The following HPSE variants were observed in gnomAD, a reference collection of about 807,000 sequenced individuals.
HPSE encodes the protein endo-glucoronidase.
HPSE carries 48 observed loss-of-function variants against 65.1 expected under a neutral mutation model. That is an observed-to-expected ratio of 0.74 (90% CI 0.58 to 0.94). The LOEUF is 0.94. Ranked by LOEUF, HPSE falls within the 40% of genes least tolerant of loss-of-function variation. HPSE has a pLI of 0.00. For missense variants in HPSE, 644 were observed against 637.5 expected, an observed-to-expected ratio of 1.01 and a Z score of -0.11; for synonymous variants, 243 against 260.0, an observed-to-expected ratio of 0.93 and a Z score of 0.63.
chr4:83,306,231 A>G lies in HPSE; in HGVS notation c.1178T>C (p.Leu393Ser). 1 of 1,611,304 alleles carries G rather than the reference A, an allele frequency of 6.2e-7. No homozygotes were observed. Among genetic ancestry groups the G allele is most frequent in the Non-Finnish European group, 8.5e-7 (1 of 1,177,426 alleles). Residue 393 changes from leucine to serine, a missense_variant, in exon 9 of 12, where the codon TTA (leucine) becomes TCA (serine). Physicochemically the swap from Leu to Ser is moderately radical, Grantham distance 145. Coordinates refer to ENST00000311412, the MANE Select transcript of HPSE (RefSeq NM_001098540.3). ...TAAAGGATCGAAGTTTTCATCCACT[A>G]AATGGTAGTTTCCTGCTCCAAAGAA... ...QVFFGAGNYH[L>S]VDENFDPLPD...
intron 10 of HPSE, 87 bp from the exon 11 acceptor site, chr4:83,301,193 G>T (rs1735935429): frequency 2.4e-6 from 2 of 817,776 alleles, no homozygotes; most frequent in Admixed American, 5.6e-5. Context: ...CTAAGTATTA[G>T]TATCCATAAT....
chr4:83,332,496 T>G (rs1171812722), intron 1 of HPSE, among the ~76,000 whole-genome samples: 1 of 152,242 alleles, frequency 6.6e-6, no homozygotes, highest in East Asian at 1.9e-4. Flanking sequence ...TGGACAAGAA[T>G]GAACTGTTTT....
At chr4:83,310,631 C>T in intron 5 of HPSE, 91 bp downstream of exon 5, 1 of 1,212,580 alleles carries the variant, frequency 8.2e-7, no homozygotes, top group Non-Finnish European at 1.2e-6. Context: ...ATGATTGTAC[C>T]ACTGCACTCC....
chr4:83,296,602 G>T (rs978761161), intron 11 of HPSE, among the ~76,000 whole-genome samples: 2 of 151,700 alleles, frequency 1.3e-5, no homozygotes, highest in Non-Finnish European at 2.9e-5. Context: ...TTGAACCTGG[G>T]AGGCGGAGGT....
intron 2 of HPSE, among the ~76,000 whole-genome samples, chr4:83,320,440 C>T (rs1736843917): frequency 6.6e-6 from 1 of 152,080 alleles, no homozygotes; most frequent in Non-Finnish European, 1.5e-5. Context: ...GTGGTGTGTG[C>T]CTGTGGTCCC....
chr4:83,322,789 T>G (rs78098296), intron 1 of HPSE, among the ~76,000 whole-genome samples: 7,129 of 103,950 alleles, frequency 0.069, 304 homozygotes, highest in Middle Eastern at 0.1. Context: ...AAGAGCTTGT[T>G]TGTGTGTGTG....
chr4:83,309,527 A>C (rs1216064906), intron 6 of HPSE, 32 bp from the exon 7 acceptor site: 1 of 1,211,084 alleles, frequency 8.3e-7, no homozygotes, highest in African/African-American at 1.5e-5. Context: ...CAGAAAAAAA[A>C]TAACAAATTT....
chr4:83,310,656 A>T, intron 5 of HPSE, 66 bp downstream of exon 5: 1 of 1,453,292 alleles, frequency 6.9e-7, no homozygotes, highest in Non-Finnish European at 9.4e-7. Flanking sequence ...TGGCTGACAG[A>T]GTGAGACTCT....
In HPSE at chr4:83,312,011, T is replaced by C. The variant is rs1736398223; in HGVS notation, c.673+1103A>G. 3.3e-5 allele frequency among the ~76,000 whole-genome samples: 5 copies of C among 152,294 alleles called. No individual in the cohort carries two copies. In the South Asian group the frequency reaches 1.0e-3, roughly 32 times the overall value. ...GTCAGGAGCTTGACCCACGTAGGAT[T>C]CTATACTGGCAAGTTCTAGACCGTT... On this transcript the variant is annotated intron_variant, in intron 4 of 11. Coordinates refer to ENST00000311412, the MANE Select transcript of HPSE (RefSeq NM_001098540.3).
intron 3 of HPSE, among the ~76,000 whole-genome samples, chr4:83,313,906 C>T (rs2126189989): frequency 6.6e-6 from 1 of 152,254 alleles, no homozygotes; most frequent in South Asian, 2.1e-4. Flanking sequence ...ACTTGAACTT[C>T]ATATAGACAA....
In HPSE at chr4:83,314,562, T is replaced by C. The variant is rs1248326068; in HGVS notation, c.500-1275A>G. ...ATTAAGGTGCCATAAGTTTGGGAAC[T>C]TCTGTACTCTGCTTTTTAAACCATT... On this transcript the variant is annotated intron_variant, in intron 3 of 11. Coordinates refer to ENST00000311412, the MANE Select transcript of HPSE (RefSeq NM_001098540.3). Among the ~76,000 whole-genome samples, 11 of 152,350 alleles carry C rather than the reference T, an allele frequency of 7.2e-5. No individual in the cohort carries two copies. In the East Asian group the frequency reaches 2.1e-3, roughly 29 times the overall value.
At chr4:83,328,685 G>A (rs1407749480) in intron 1 of HPSE, among the ~76,000 whole-genome samples, 1 of 150,490 alleles carries the variant, frequency 6.6e-6, no homozygotes, top group African/African-American at 2.5e-5. Flanking sequence ...AGGCTGCCGA[G>A]GGGAGGGAAG....
chr4:83,321,512 A>G (rs1194029199), intron 2 of HPSE, among the ~76,000 whole-genome samples: 2 of 152,160 alleles, frequency 1.3e-5, no homozygotes, highest in Non-Finnish European at 2.9e-5. Flanking sequence ...ACGTCTCTCT[A>G]TGTTGCCCAG....
At chr4:83,311,227 C>A (rs1285334478) in intron 4 of HPSE, among the ~76,000 whole-genome samples, 1 of 152,068 alleles carries the variant, frequency 6.6e-6, no homozygotes, top group Admixed American at 6.6e-5. Flanking sequence ...ATCACTTGAG[C>A]CCAGAAGGTC....
upstream of HPSE, chr4:83,334,896 T>A: frequency 7.0e-7 from 1 of 1,420,520 alleles, no homozygotes; most frequent in Non-Finnish European, 9.2e-7. Context: ...TCCGCCCCGT[T>A]ACGCCTCCTC....
At chr4:83,300,131 C>T (rs965667037) in intron 11 of HPSE, among the ~76,000 whole-genome samples, 1 of 152,172 alleles carries the variant, frequency 6.6e-6, no homozygotes, top group African/African-American at 2.4e-5. Context: ...TTTTTTGGCA[C>T]TCCATTGAAT....
intron 4 of HPSE, among the ~76,000 whole-genome samples, chr4:83,312,841 C>CAAA (rs1200808673): frequency 0.025 from 274 of 10,984 alleles, 42 homozygotes; most frequent in East Asian, 0.065. Flanking sequence ...ACTAAAAATG[C>CAAA]AAAAAAAAAA....
upstream of HPSE, chr4:83,335,060 A>C: frequency 1.9e-5 from 8 of 425,182 alleles, no homozygotes; most frequent in Non-Finnish European, 2.0e-5. Context: ...AATCACCCAC[A>C]CCCACTTGAA....
At chr4:83,298,555 G>A (rs1275401545) in intron 11 of HPSE, among the ~76,000 whole-genome samples, 1 of 152,040 alleles carries the variant, frequency 6.6e-6, no homozygotes, top group Non-Finnish European at 1.5e-5. Context: ...TTTAGGGCTG[G>A]GTGCAGTTTT....
Sources: gnomAD v4.1 joint callset for allele counts (sites outside exome capture counted in the v4.1 genomes callset) on GRCh38, gnomAD v4.1.1 for gene constraint, MANE v1.5 for transcripts, NCBI Gene and HGNC (gene_info 2026-07-23, HGNC 2026-07-21) for gene names.